NPHP1: variants seen among roughly 807,000 people sequenced by gnomAD.
The protein encoded by NPHP1 is nephrocystin-1.
Under a neutral mutation model 90.4 loss-of-function variants are expected in NPHP1, and 70 were observed. The observed-to-expected ratio is 0.77, with a 90% CI of 0.64 to 0.95. The LOEUF (loss-of-function observed/expected upper bound fraction) is 0.95. NPHP1 is among the 40% of genes least tolerant of loss of function. The pLI, the probability that NPHP1 is intolerant of heterozygous loss-of-function variation, is 0.00. For synonymous variants in NPHP1, 256 were observed against 271.7 expected, an observed-to-expected ratio of 0.94 and a Z score of 0.57; for missense variants, 764 against 795.9, an observed-to-expected ratio of 0.96 and a Z score of 0.48.
intron 16 of NPHP1, among the ~76,000 whole-genome samples, chr2:110,133,410 A>C (rs1319409373): frequency 6.6e-6 from 1 of 152,134 alleles, no homozygotes; most frequent in Non-Finnish European, 1.5e-5. Flanking sequence ...TGAAGCAAAC[A>C]CTGACAGAAT....
intron 4 of NPHP1, among the ~76,000 whole-genome samples, chr2:110,170,841 G>A (rs1683073965): frequency 1.3e-5 from 2 of 152,122 alleles, no homozygotes; most frequent in African/African-American, 4.8e-5. Flanking sequence ...GCAGGGAGAG[G>A]AGAAAGGAGA....
chr2:110,162,724 G>A (rs1682431698), intron 9 of NPHP1, among the ~76,000 whole-genome samples: 1 of 152,108 alleles, frequency 6.6e-6, no homozygotes, highest in African/African-American at 2.4e-5. Flanking sequence ...AGAATTAGGT[G>A]TGCTGATAGC....
chr2:110,127,373 C>T (rs768932601), intron 18 of NPHP1: 7 of 152,038 alleles, frequency 4.6e-5, no homozygotes, highest in Admixed American at 6.6e-5. Context: ...CACTATGCCA[C>T]GGAGAGAAGA....
chr2:110,123,886 G>C lies in NPHP1; in HGVS notation c.1939C>G (p.Gln647Glu). 1 of 1,614,076 alleles carries C rather than the reference G, an allele frequency of 6.2e-7. No homozygotes were observed. Among genetic ancestry groups the C allele is most frequent in the Non-Finnish European group, 8.5e-7 (1 of 1,179,970 alleles). Residue 647 changes from glutamine to glutamate, a missense_variant, in exon 20 of 20, where the codon CAA becomes GAA. Gln to Glu is a conservative substitution (Grantham distance 29, BLOSUM62 2). Transcript: ENST00000445609. ...ACTCCGTCTGGTGACAGCAGAGCTTGGAGGGCGCCCTGGTTTTCTTGGTTT... is the reference window on the plus strand; with the variant it reads ...ACTCCGTCTGGTGACAGCAGAGCTTCGAGGGCGCCCTGGTTTTCTTGGTTT... ...KQNQENQGALQALLSPDGVHE... is the reference protein window; with the variant it reads ...KQNQENQGALEALLSPDGVHE...
chr2:110,175,235 A>T (rs1025093240), intron 4 of NPHP1, among the ~76,000 whole-genome samples: 2 of 152,144 alleles, frequency 1.3e-5, no homozygotes, highest in Non-Finnish European at 2.9e-5. Context: ...TTTGCTTTAC[A>T]TAATTGAGTG....
chr2:110,184,940 G>A, intron 2 of NPHP1: 1 of 676,310 alleles, frequency 1.5e-6, no homozygotes, highest in South Asian at 1.4e-5. Context: ...GTCAGACATG[G>A]ACCTGCAGTT....
At chr2:110,185,440 C>A (rs1411287951) in intron 2 of NPHP1, among the ~76,000 whole-genome samples, 2 of 152,172 alleles carry the variant, frequency 1.3e-5, no homozygotes, top group East Asian at 3.9e-4. Context: ...GCAGAGGCTG[C>A]ACTCCCTCCT....
rs757139057 is a variant in NPHP1 at position 110,169,941 on chromosome 2, ACT to A, written c.385_386del (p.Ser129TrpfsTer18). ...EESESEDSED[S>X]GGEEEDAEEE... ...CCTCTGCATCTTCTTCCTCCCCACC[ACT>A]GTCTTCACTATCTTCACTTTCACTT... On this transcript the variant is annotated frameshift_variant, in exon 5 of 20. Coordinates refer to ENST00000445609, the MANE Select transcript of NPHP1 (RefSeq NM_001128178.3). LOFTEE classifies it high-confidence loss of function. 2.5e-6 allele frequency: 4 copies of A among 1,603,088 alleles called. No individual in the cohort carries two copies. Among genetic ancestry groups the A allele is most frequent in the African/African-American group, 1.3e-5 (1 of 74,590 alleles).
chr2:110,131,800 GA>G lies in NPHP1; in HGVS notation c.1530-10del, dbSNP rs779032904. The G allele has an allele frequency of 2.8e-5, 42 of 1,513,402 alleles. No individual in the cohort carries two copies. The Admixed American group carries it at 6.9e-4, about 25-fold the overall frequency. The allele number at this position is 1,513,402 out of a possible 1,614,324, so 93.7% of individuals were successfully genotyped here. On this transcript the variant is annotated splice_polypyrimidine_tract_variant and intron_variant, in intron 16 of 19. Coordinates refer to ENST00000445609, the MANE Select transcript of NPHP1 (RefSeq NM_001128178.3). The stretch of plus-strand genomic sequence containing the variant: ...ATGTTTCTGGCAGTAGACTATTAAA[GA>G]AGAAAAAAATGTATTCATTAGACAA...
chr2:110,129,361 G>T, intron 17 of NPHP1, 102 bp from the exon 18 acceptor site: 1 of 889,378 alleles, frequency 1.1e-6, no homozygotes, highest in Non-Finnish European at 1.8e-6. Flanking sequence ...TGTGCCAAAT[G>T]ATTTGTTGAT....
At chr2:110,157,462 T>G (rs1359738097) in intron 11 of NPHP1, among the ~76,000 whole-genome samples, 1 of 152,094 alleles carries the variant, frequency 6.6e-6, no homozygotes, top group Non-Finnish European at 1.5e-5. Flanking sequence ...CAAGTTCAGA[T>G]GAAATAAAGG....
rs751573536 is a variant in NPHP1, at chr2:110,147,882, T to C, written c.1269+34A>G. ...TTTTTTAACCTTCCCTTTTAACTGA[T>C]ACATTAGAAAGCCTTATCTTTCAAC... On this transcript the variant is annotated intron_variant, in intron 13 of 19. Transcript: ENST00000445609. The C allele has an allele frequency of 3.3e-6, 4 of 1,211,556 alleles. No homozygotes were observed. In the Admixed American group the frequency reaches 6.7e-5, roughly 20 times the overall value. 75.1% of individuals were successfully genotyped at this position (1,211,556 alleles called of 1,614,324 possible).
At chr2:110,200,463 T>G (rs1488852394) in intron 2 of NPHP1, among the ~76,000 whole-genome samples, 1 of 151,088 alleles carries the variant, frequency 6.6e-6, no homozygotes, top group East Asian at 1.9e-4. Context: ...CTCAAGAGCC[T>G]GAGGCAGAAG....
rs549228794 is a variant in NPHP1, at chr2:110,198,298, C to T, written c.143+3123G>A. On this transcript the variant is annotated intron_variant, in intron 2 of 19. Coordinates refer to ENST00000445609, the MANE Select transcript of NPHP1 (RefSeq NM_001128178.3). ...TCATAGAGGGACACATTATGAAATT[C>T]TGCTGATGAAAAGACATGCACAGTG... Among the ~76,000 whole-genome samples the T allele has an allele frequency of 2.0e-5, 3 of 152,204 alleles. No homozygotes were observed. In the South Asian group the frequency reaches 6.2e-4, roughly 32 times the overall value.
chr2:110,164,748 CA>C lies in NPHP1; in HGVS notation c.729-19del. The stretch of plus-strand genomic sequence containing the variant: ...GATCAGTTCTGGGGAGACAAAATAG[CA>C]AAGTGAGTCAGGTCAGGTTATGCCT... On this transcript the variant is annotated intron_variant, in intron 7 of 19. Transcript: ENST00000445609. 1 of 1,602,872 alleles carries C rather than the reference CA, an allele frequency of 6.2e-7. No individual in the cohort carries two copies. The highest frequency in any genetic ancestry group is 2.2e-5 in the East Asian group (1 of 44,824).
chr2:110,126,102 A>G, intron 18 of NPHP1: 1 of 225,690 alleles, frequency 4.4e-6, no homozygotes, highest in South Asian at 7.0e-5. Context: ...GGTCAGAATG[A>G]GACAGACTGA....
chr2:110,194,462 A>C (rs1684998385), intron 2 of NPHP1, among the ~76,000 whole-genome samples: 1 of 152,174 alleles, frequency 6.6e-6, no homozygotes, highest in South Asian at 2.1e-4. Context: ...ACCAGGAAGA[A>C]GCTGAATCTC....
At position 110,170,020 on chromosome 2, in the gene NPHP1, A is replaced by G. The variant is rs772753712; in HGVS notation, c.330-22T>C. 8 of 1,612,822 alleles carry G rather than the reference A, an allele frequency of 5.0e-6. 1 individual carries two copies. The Admixed American group carries it at 1.3e-4, about 27-fold the overall frequency. ...AACTCTACAAAAAGTGTTTCTGAGTAGGACTACTTGAAATAATATACAAGA... is the reference window on the plus strand; with the variant it reads ...AACTCTACAAAAAGTGTTTCTGAGTGGGACTACTTGAAATAATATACAAGA... On this transcript the variant is annotated intron_variant, in intron 4 of 19. Coordinates refer to ENST00000445609, the MANE Select transcript of NPHP1 (RefSeq NM_001128178.3).
intron 16 of NPHP1, among the ~76,000 whole-genome samples, chr2:110,136,333 C>A (rs1680198145): frequency 6.6e-6 from 1 of 152,090 alleles, no homozygotes; most frequent in Non-Finnish European, 1.5e-5. Context: ...GGCAATCAGG[C>A]AGGAGAAGGA....
Sources: gnomAD v4.1 joint callset for allele counts (sites outside exome capture counted in the v4.1 genomes callset) on GRCh38, gnomAD v4.1.1 for gene constraint, MANE v1.5 for transcripts, NCBI Gene and HGNC (gene_info 2026-07-23, HGNC 2026-07-21) for gene names.